Variants in SCN9A observed in about 807,000 individuals in gnomAD.
The protein encoded by SCN9A is sodium voltage-gated channel alpha subunit 9.
Under a neutral mutation model 187.0 loss-of-function variants are expected in SCN9A, and 131 were observed. The observed-to-expected ratio is 0.70, with a 90% confidence interval of 0.61 to 0.81. The LOEUF (loss-of-function observed/expected upper bound fraction) is 0.81, where lower values mean the gene tolerates loss of function less well. Ranked by LOEUF, SCN9A falls within the 30% of genes least tolerant of loss-of-function variation. The pLI is 0.00. For missense variants in SCN9A, 2,252 were observed against 2,396.6 expected (o/e 0.94, Z 1.26); for synonymous variants, 809 against 808.6 (o/e 1.00, Z -0.01).
chr2:166,356,731 G>A (rs1700159106), intron 1 of SCN9A, among the ~76,000 whole-genome samples: 1 of 151,876 alleles, frequency 6.6e-6, no homozygotes, highest in Non-Finnish European at 1.5e-5. Flanking sequence ...TATAAACATT[G>A]TTTCATACCT....
intron 26 of SCN9A, among the ~76,000 whole-genome samples, chr2:166,200,601 C>T (rs1693462830): frequency 6.6e-6 from 1 of 152,208 alleles, no homozygotes; most frequent in Admixed American, 6.5e-5. Flanking sequence ...CACACACAAA[C>T]AAATGTATTC....
At chr2:166,268,519 C>G (rs58795588) in intron 17 of SCN9A, among the ~76,000 whole-genome samples, 1,912 of 151,862 alleles carry the variant, frequency 0.013, 45 homozygotes, top group African/African-American at 0.043. Flanking sequence ...AGAATTAGAG[C>G]AGGAAAAGTT....
In SCN9A at chr2:166,280,570, A is replaced by C. The variant is rs1358344300; in HGVS notation, c.2130T>G (p.Cys710Trp). The change falls in exon 14 of 27, where the codon TGT (cysteine) becomes TGG (tryptophan). Residue 710 changes from cysteine (C) to tryptophan (W), a missense_variant. By Grantham distance (215) the Cys-to-Trp change is radical. Around this residue, in one of 7 missense-constraint regions of SCN9A, gnomAD observed 1,013 missense variants for 997.4 expected, o/e 1.02. Transcript: ENST00000642356. ...GTGCAAATCTGTACCACCAAGGTGGACATTTTTGTCTGGACTCTTCAAGTT... is the reference window on the plus strand; with the variant it reads ...GTGCAAATCTGTACCACCAAGGTGGCCATTTTTGTCTGGACTCTTCAAGTT... ...VEELEESRQKCPPWWYRFAHK... is the reference protein window; with the variant it reads ...VEELEESRQKWPPWWYRFAHK... 1 of 1,583,684 alleles carries C rather than the reference A, an allele frequency of 6.3e-7. No individual in the cohort carries two copies. The highest frequency in any genetic ancestry group is 2.3e-5 in the East Asian group (1 of 44,094).
intron 1 of SCN9A, among the ~76,000 whole-genome samples, chr2:166,340,604 T>TTCTTTCTTTC (rs1238316249): frequency 2.2e-4 from 16 of 72,046 alleles, no homozygotes; most frequent in African/African-American, 8.6e-4. Context: ...CTTTCTTTCT[T>TTCTTTCTTTC]TTTCTTTCTT....
chr2:166,318,277 T>A (rs1699157258), intron 1 of SCN9A, among the ~76,000 whole-genome samples: 1 of 152,104 alleles, frequency 6.6e-6, no homozygotes, highest in Non-Finnish European at 1.5e-5. Context: ...ACACCATACA[T>A]GTATATACAC....
rs777036338 is a variant in SCN9A at position 166,284,736 on chromosome 2, A to G, written c.1691T>C (p.Ile564Thr). 1.2e-5 allele frequency: 20 copies of G among 1,613,926 alleles called. No individual in the cohort carries two copies. The highest frequency in any genetic ancestry group is 1.2e-4 in the South Asian group (11 of 91,084). ...LFSFKGRGRD[I>T]GSETEFADDE... ...ATCGGCAAATTCAGTCTCAGATCCT[A>G]TATCTCTTCCTCTGCCTTTGAAACT... Residue 564 changes from isoleucine (I) to threonine (T), a missense_variant, in exon 12 of 27, where the codon ATA (isoleucine) becomes ACA (threonine). Transcript: ENST00000642356.
intron 26 of SCN9A, among the ~76,000 whole-genome samples, chr2:166,203,687 A>G (rs1693653248): frequency 6.6e-6 from 1 of 151,964 alleles, no homozygotes; most frequent in East Asian, 1.9e-4. Flanking sequence ...TAGTTTTGCA[A>G]AGGTAATATT....
chr2:166,250,633 A>T (rs1695992780), intron 18 of SCN9A, among the ~76,000 whole-genome samples: 1 of 152,152 alleles, frequency 6.6e-6, no homozygotes, highest in African/African-American at 2.4e-5. Flanking sequence ...ACTTGTTCAG[A>T]CAATACTGCA....
rs570805826 is a variant in SCN9A, at chr2:166,272,638, T to C, written c.3112A>G (p.Ile1038Val). Residue 1038 changes from isoleucine (I) to valine (V), a missense_variant, in exon 17 of 27, where the codon ATT becomes GTT. Around this residue, in one of 7 missense-constraint regions of SCN9A, gnomAD observed 313 missense variants for 295.3 expected, o/e 1.06. Coordinates refer to ENST00000642356, the MANE Select transcript of SCN9A (RefSeq NM_001365536.1). ...ATTTCAGCAAGTGTATGGTTAGAAA[T>C]ATAGTTTTCCTTCTTAGTATTCAGA... ...EDLNTKKENY[I>V]SNHTLAEMSK... The C allele has an allele frequency of 1.2e-6, 2 of 1,613,208 alleles. No individual in the cohort carries two copies. Among genetic ancestry groups the C allele is most frequent in the Admixed American group, 1.7e-5 (1 of 59,862 alleles).
chr2:166,326,775 T>C (rs1200440686), intron 1 of SCN9A, among the ~76,000 whole-genome samples: 2 of 152,186 alleles, frequency 1.3e-5, no homozygotes, highest in Non-Finnish European at 2.9e-5. Context: ...ATTGTGAACT[T>C]TTCTGAAAGA....
At chr2:166,367,526 A>G (rs1390762498) in intron 1 of SCN9A, among the ~76,000 whole-genome samples, 1 of 152,070 alleles carries the variant, frequency 6.6e-6, no homozygotes, top group Admixed American at 6.5e-5. Context: ...TCAGCCTTCC[A>G]AAGTGCTGGA....
intron 2 of SCN9A, among the ~76,000 whole-genome samples, chr2:166,310,885 G>T (rs1698918803): frequency 1.2e-5 from 1 of 80,090 alleles, no homozygotes; most frequent in African/African-American, 6.9e-5. Flanking sequence ...AAGAAAATGT[G>T]GCTCATATAC....
intron 1 of SCN9A, among the ~76,000 whole-genome samples, chr2:166,313,869 C>T (rs1699040165): frequency 6.6e-6 from 1 of 152,088 alleles, no homozygotes; most frequent in Non-Finnish European, 1.5e-5. Context: ...GAGAAATGCG[C>T]AATTCTTCCT....
chr2:166,355,033 G>T (rs1184916842), intron 1 of SCN9A, among the ~76,000 whole-genome samples: 4 of 151,846 alleles, frequency 2.6e-5, no homozygotes, highest in Non-Finnish European at 5.9e-5. Flanking sequence ...AACCTCATGG[G>T]CTCAAGTGTT....
At chr2:166,216,894 G>A (rs1042847674) in intron 24 of SCN9A, among the ~76,000 whole-genome samples, 1 of 151,790 alleles carries the variant, frequency 6.6e-6, no homozygotes, top group African/African-American at 2.4e-5. Flanking sequence ...CCTAACATTT[G>A]AATAAAATAA....
At chr2:166,348,186 TTTG>T (rs1699948465) in intron 1 of SCN9A, among the ~76,000 whole-genome samples, 1 of 150,626 alleles carries the variant, frequency 6.6e-6, no homozygotes, top group Non-Finnish European at 1.5e-5. Flanking sequence ...TGTGTAACGG[TTTG>T]TTGATTATCA....
chr2:166,370,369 C>T (rs1700528303), intron 1 of SCN9A, among the ~76,000 whole-genome samples: 1 of 150,972 alleles, frequency 6.6e-6, no homozygotes, highest in African/African-American at 2.4e-5. Flanking sequence ...TGGTGAAACT[C>T]CGTCTCTACT....
At chr2:166,313,462 AT>A (rs1410683020) in intron 1 of SCN9A, among the ~76,000 whole-genome samples, 1 of 152,160 alleles carries the variant, frequency 6.6e-6, no homozygotes, top group Non-Finnish European at 1.5e-5. Flanking sequence ...TTCACCTTGC[AT>A]TTTTATGTTA....
In SCN9A at chr2:166,200,423, C is replaced by G. The variant is rs532317597; in HGVS notation, c.4775-559G>C. 2.8e-4 allele frequency among the ~76,000 whole-genome samples: 42 copies of G among 152,176 alleles called. No individual in the cohort carries two copies. In the South Asian group the frequency reaches 8.5e-3, roughly 31 times the overall value. ...TAAGTTCATGGGCCATTTTTTCCCTCCATAATAGTGTTTTACATTTTAAGA... is the reference window on the plus strand; with the variant it reads ...TAAGTTCATGGGCCATTTTTTCCCTGCATAATAGTGTTTTACATTTTAAGA... On this transcript the variant is annotated intron_variant, in intron 26 of 26. Coordinates refer to ENST00000642356, the MANE Select transcript of SCN9A (RefSeq NM_001365536.1).
Sources: gnomAD v4.1 joint callset for allele counts (sites outside exome capture counted in the v4.1 genomes callset) on GRCh38, gnomAD v4.1.1 for gene constraint, gnomAD v4.1.1 regional missense constraint, MANE v1.5 for transcripts, NCBI Gene and HGNC (gene_info 2026-07-23, HGNC 2026-07-21) for gene names.